Variants in SLC9B1 observed in about 807,000 individuals in gnomAD.
The protein encoded by SLC9B1 is sodium/hydrogen exchanger 9B1.
A neutral mutation model predicts 51.7 loss-of-function variants in SLC9B1; 32 were observed. The ratio of observed to expected loss-of-function variants is 0.62; its 90% CI spans 0.47 to 0.83. SLC9B1 has a LOEUF of 0.83. Ranked by LOEUF, SLC9B1 falls within the 40% of genes least tolerant of loss-of-function variation. The pLI, the probability that SLC9B1 is intolerant of heterozygous loss-of-function variation, is 0.00. For missense variants in SLC9B1, 406 were observed against 613.2 expected, an observed-to-expected ratio of 0.66 and a Z score of 3.57; for synonymous variants, 145 against 212.7, an observed-to-expected ratio of 0.68 and a Z score of 2.77.
chr4:102,993,839 T>C (rs1278961552), intron 1 of SLC9B1, among the ~76,000 whole-genome samples: 1 of 152,230 alleles, frequency 6.6e-6, no homozygotes. Flanking sequence ...CTGCCAAGCC[T>C]TGGGGCTTGC....
At chr4:102,966,019 C>T (rs1204527812) in intron 3 of SLC9B1, among the ~76,000 whole-genome samples, 2 of 152,226 alleles carry the variant, frequency 1.3e-5, no homozygotes, top group African/African-American at 4.8e-5. Context: ...AAGCCTTGGG[C>T]AGCCCCACCT....
intron 6 of SLC9B1, among the ~76,000 whole-genome samples, chr4:102,937,723 C>CAAAA (rs35545999): frequency 4.0e-4 from 23 of 56,816 alleles, no homozygotes; most frequent in Admixed American, 7.1e-4. Flanking sequence ...ACTCTGTCGC[C>CAAAA]AAAAAAAAAA....
intron 9 of SLC9B1, 69 bp from the exon 10 acceptor site, chr4:102,906,713 C>T (rs1578335141): frequency 4.1e-6 from 1 of 245,828 alleles, no homozygotes. Flanking sequence ...TTAAAGTCTT[C>T]CCCCCCCTTT....
intron 3 of SLC9B1, among the ~76,000 whole-genome samples, chr4:102,959,235 TACAC>T (rs34697499): frequency 3.8e-4 from 57 of 149,288 alleles, no homozygotes; most frequent in South Asian, 2.1e-3. Flanking sequence ...CATATATATA[TACAC>T]ACACACACAC....
chr4:102,994,696 G>T (rs1740126513), intron 1 of SLC9B1, among the ~76,000 whole-genome samples: 1 of 152,146 alleles, frequency 6.6e-6, no homozygotes, highest in South Asian at 2.1e-4. Flanking sequence ...CCACATGGCT[G>T]GGGAGGCCTC....
chr4:102,969,429 A>C (rs1418646910), intron 3 of SLC9B1, among the ~76,000 whole-genome samples: 1 of 152,258 alleles, frequency 6.6e-6, no homozygotes, highest in African/African-American at 2.4e-5. Flanking sequence ...ACTAACAAAC[A>C]GAAAGGAACA....
intron 7 of SLC9B1, 51 bp from the exon 8 acceptor site, chr4:102,911,588 C>T (rs1295833398): frequency 8.7e-7 from 1 of 1,147,374 alleles, no homozygotes; most frequent in South Asian, 1.3e-5. Flanking sequence ...TCTTCACATA[C>T]ACTACACATC....
intron 10 of SLC9B1, 89 bp from the exon 11 acceptor site, chr4:102,905,739 A>T: frequency 7.7e-7 from 1 of 1,292,912 alleles, no homozygotes; most frequent in South Asian, 1.3e-5. Flanking sequence ...AAACTTTTGA[A>T]AACATTTTAA....
intron 1 of SLC9B1, among the ~76,000 whole-genome samples, chr4:103,011,215 G>A (rs887862961): frequency 9.9e-5 from 15 of 152,218 alleles, no homozygotes; most frequent in African/African-American, 3.4e-4. Flanking sequence ...TAAGTTCCAA[G>A]TAAGTCCCAA....
At chr4:102,951,904 T>C (rs1254115789) in intron 3 of SLC9B1, among the ~76,000 whole-genome samples, 1 of 129,724 alleles carries the variant, frequency 7.7e-6, no homozygotes, top group Admixed American at 8.3e-5. Flanking sequence ...TAAGTAAAAA[T>C]AGATACTTAG....
chr4:102,911,879 TC>T (rs1221900989), intron 7 of SLC9B1: 1 of 200,902 alleles, frequency 5.0e-6, no homozygotes, highest in African/African-American at 2.4e-5. Flanking sequence ...ACGCCTGTAA[TC>T]CCAGTGCTTT....
intron 1 of SLC9B1, among the ~76,000 whole-genome samples, chr4:103,001,944 G>A (rs1424363837): frequency 1.3e-5 from 2 of 152,212 alleles, no homozygotes; most frequent in Admixed American, 1.3e-4. Flanking sequence ...TACAATCATG[G>A]TGGAAGGCAA....
chr4:102,960,213 A>G (rs552324036), intron 3 of SLC9B1, among the ~76,000 whole-genome samples: 1 of 151,538 alleles, frequency 6.6e-6, no homozygotes, highest in South Asian at 2.1e-4. Flanking sequence ...TTATATATAT[A>G]TGTTTATTTA....
At chr4:102,958,040 G>C (rs1359942811) in intron 3 of SLC9B1, among the ~76,000 whole-genome samples, 1 of 152,166 alleles carries the variant, frequency 6.6e-6, no homozygotes, top group Non-Finnish European at 1.5e-5. Flanking sequence ...TTGAGGCTAG[G>C]AGTTTGAGAC....
At chr4:102,892,313 C>G (rs1734287009) in intron 11 of SLC9B1, 1 of 152,216 alleles carries the variant, frequency 6.6e-6, no homozygotes. Flanking sequence ...CCTGCCTCAG[C>G]ACTCCCAAAG....
At chr4:102,958,532 T>C (rs1022055621) in intron 3 of SLC9B1, among the ~76,000 whole-genome samples, 9 of 152,162 alleles carry the variant, frequency 5.9e-5, no homozygotes, top group African/African-American at 2.2e-4. Flanking sequence ...ATGCCTGTAG[T>C]CCCAGCTACT....
chr4:102,979,252 T>G (rs1739229298), intron 3 of SLC9B1, among the ~76,000 whole-genome samples: 1 of 152,354 alleles, frequency 6.6e-6, no homozygotes, highest in African/African-American at 2.4e-5. Context: ...GAGAACCTCA[T>G]AGTTATTGAG....
chr4:102,949,444 T>G lies in SLC9B1; in HGVS notation c.212-17A>C. 6.4e-7 allele frequency: 1 copy of G among 1,552,386 alleles called. No individual in the cohort carries two copies. The highest frequency in any genetic ancestry group is 8.6e-7 in the Non-Finnish European group (1 of 1,156,094). On this transcript the variant is annotated splice_polypyrimidine_tract_variant and intron_variant, in intron 3 of 11. Coordinates refer to ENST00000296422, the MANE Select transcript of SLC9B1 (RefSeq NM_139173.4). ...GTATAACTCCTGAAATACAAAAAAGTGTACAGCTATATATCTACATACACA... is the reference window on the plus strand; with the variant it reads ...GTATAACTCCTGAAATACAAAAAAGGGTACAGCTATATATCTACATACACA...
At chr4:103,012,523 G>C (rs1212673699) in intron 1 of SLC9B1, among the ~76,000 whole-genome samples, 1 of 152,158 alleles carries the variant, frequency 6.6e-6, no homozygotes, top group East Asian at 1.9e-4. Context: ...TTTCTAGGAG[G>C]CACTTCACAA....
Sources: allele counts gnomAD v4.1 joint callset (sites outside exome capture counted in the v4.1 genomes callset), GRCh38; gene constraint gnomAD v4.1.1; transcripts MANE v1.5; gene names NCBI Gene and HGNC (gene_info 2026-07-23, HGNC 2026-07-21).